LRP1B: variants seen among roughly 807,000 people sequenced by gnomAD.
LRP1B encodes the protein LDL receptor related protein 1B.
In LRP1B, 217 loss-of-function variants were observed where a neutral mutation model predicts 556.6. That is an observed-to-expected ratio of 0.39 (90% CI 0.35 to 0.44). LRP1B has a LOEUF of 0.44. Among genes scored for constraint, LRP1B ranks in the 20% least tolerant of loss-of-function variants. LRP1B has a pLI of 1.00. For missense variants in LRP1B, 5,053 were observed against 5,620.8 expected, an observed-to-expected ratio of 0.90 and a Z score of 3.23; for synonymous variants, 2,047 against 1,865.8, an observed-to-expected ratio of 1.10 and a Z score of -2.50.
At chr2:141,935,858 T>C (rs1367427403) in intron 1 of LRP1B, among the ~76,000 whole-genome samples, 1 of 152,164 alleles carries the variant, frequency 6.6e-6, no homozygotes, top group Non-Finnish European at 1.5e-5. Flanking sequence ...GAGGCTGAAG[T>C]GGGAGGATCA....
At chr2:141,872,372 C>A (rs917655146) in intron 1 of LRP1B, among the ~76,000 whole-genome samples, 4 of 151,634 alleles carry the variant, frequency 2.6e-5, no homozygotes, top group Admixed American at 2.0e-4. Flanking sequence ...AAGAGTAAAT[C>A]CAAAGTTCCC....
At chr2:140,273,809 A>T (rs1682563115) in intron 85 of LRP1B, among the ~76,000 whole-genome samples, 1 of 152,008 alleles carries the variant, frequency 6.6e-6, no homozygotes, top group African/African-American at 2.4e-5. Context: ...ACAACCCTTT[A>T]GCCGCAATGT....
At chr2:141,675,520 G>A (rs1690842211) in intron 2 of LRP1B, among the ~76,000 whole-genome samples, 1 of 23,384 alleles carries the variant, frequency 4.3e-5, no homozygotes, top group South Asian at 3.0e-3. Flanking sequence ...TAATGTCTCA[G>A]TGCCTTAGTA....
intron 1 of LRP1B, among the ~76,000 whole-genome samples, chr2:142,049,622 G>T (rs1704376719): frequency 6.6e-6 from 1 of 151,966 alleles, no homozygotes; most frequent in Non-Finnish European, 1.5e-5. Flanking sequence ...TAATTATAAT[G>T]CCTCACGATT....
intron 7 of LRP1B, among the ~76,000 whole-genome samples, chr2:141,099,490 GGATA>G (rs1700406850): frequency 6.6e-6 from 1 of 152,184 alleles, no homozygotes; most frequent in African/African-American, 2.4e-5. Flanking sequence ...AGGGCAATGA[GGATA>G]GATTTTACAA....
chr2:141,676,066 A>G lies in LRP1B; in HGVS notation c.205+134213T>C, dbSNP rs116063432. Among the ~76,000 whole-genome samples the G allele has an allele frequency of 4.8e-3, 734 of 152,224 alleles. 9 individuals are homozygous for G. Among genetic ancestry groups the G allele is most frequent in the African/African-American group, 0.017 (694 of 41,558 alleles). On this transcript the variant is annotated intron_variant, in intron 2 of 90. Coordinates refer to ENST00000389484, the MANE Select transcript of LRP1B (RefSeq NM_018557.3). Reference sequence around the variant, plus strand: ...TATGTACGTTAAAGATGATGTTTCCACCATATAAAACTTCCTTTTATTATA... The same window carrying G: ...TATGTACGTTAAAGATGATGTTTCCGCCATATAAAACTTCCTTTTATTATA...
At chr2:141,478,361 A>G (rs1682789676) in intron 3 of LRP1B, among the ~76,000 whole-genome samples, 1 of 152,320 alleles carries the variant, frequency 6.6e-6, no homozygotes, top group African/African-American at 2.4e-5. Context: ...TTAGTCATAC[A>G]TATCTATCTG....
At chr2:140,948,387 C>T (rs543633524) in intron 20 of LRP1B, among the ~76,000 whole-genome samples, 1 of 152,184 alleles carries the variant, frequency 6.6e-6, no homozygotes, top group African/African-American at 2.4e-5. Flanking sequence ...TTTACATATA[C>T]TTTTTCTTTT....
intron 31 of LRP1B, among the ~76,000 whole-genome samples, chr2:140,825,356 C>G (rs1691466310): frequency 6.6e-6 from 1 of 152,144 alleles, no homozygotes; most frequent in Admixed American, 6.5e-5. Flanking sequence ...AGATTCTAAA[C>G]TCCTTGAAGA....
rs367965411 is a variant in LRP1B at position 140,485,511 on chromosome 2, G to A, written c.9257C>T (p.Thr3086Ile). ...GACAGCAAGTGCATTGGGGACCGCT[G>A]TGTTATGAACTACCTACAAAACAAG... ...NGSDIKVVHNTAVPNALAVDW... is the reference protein window; with the variant it reads ...NGSDIKVVHNIAVPNALAVDW... Residue 3086 changes from threonine (T) to isoleucine (I), a missense_variant, in exon 59 of 91, where the codon ACA becomes ATA. Around this residue, in one of 5 missense-constraint regions of LRP1B, gnomAD observed 3,619 missense variants for 3,931.9 expected, o/e 0.92. Transcript: ENST00000389484. The A allele has an allele frequency of 3.5e-5, 57 of 1,613,182 alleles. No homozygotes were observed. Among genetic ancestry groups the A allele is most frequent in the Middle Eastern group, 1.6e-4 (1 of 6,078 alleles).
At chr2:140,247,043 T>C (rs372771398) in intron 87 of LRP1B, 43 bp downstream of exon 87, 4 of 1,333,664 alleles carry the variant, frequency 3.0e-6, no homozygotes, top group Admixed American at 3.4e-5. Context: ...CAATGATTTA[T>C]ATACAGTGTA....
intron 43 of LRP1B, among the ~76,000 whole-genome samples, chr2:140,582,641 C>G (rs931046543): frequency 1.3e-5 from 2 of 152,066 alleles, no homozygotes; most frequent in African/African-American, 2.4e-5. Context: ...TTCTGTCATG[C>G]GAGGATGCAA....
At chr2:140,946,418 G>A (rs1207603644) in intron 20 of LRP1B, among the ~76,000 whole-genome samples, 1 of 152,014 alleles carries the variant, frequency 6.6e-6, no homozygotes, top group Non-Finnish European at 1.5e-5. Context: ...TGGCCAACAT[G>A]GTGAAAACCC....
chr2:141,907,586 C>A (rs756341616), intron 1 of LRP1B, among the ~76,000 whole-genome samples: 34 of 151,852 alleles, frequency 2.2e-4, no homozygotes, highest in Admixed American at 1.2e-3. Context: ...TTGGCACGAC[C>A]TTTAATGTCA....
chr2:140,961,399 T>C (rs1416555949), intron 18 of LRP1B, among the ~76,000 whole-genome samples: 3 of 151,928 alleles, frequency 2.0e-5, no homozygotes, highest in Admixed American at 6.6e-5. Flanking sequence ...AGAAAGAATA[T>C]CACACAGACT....
chr2:141,686,422 A>G (rs912394929), intron 2 of LRP1B, among the ~76,000 whole-genome samples: 4 of 151,988 alleles, frequency 2.6e-5, no homozygotes, highest in Non-Finnish European at 4.4e-5. Context: ...TGTGTGCTAT[A>G]TATACATACC....
intron 1 of LRP1B, among the ~76,000 whole-genome samples, chr2:141,968,225 C>G (rs554624382): frequency 6.6e-6 from 1 of 151,666 alleles, no homozygotes; most frequent in Non-Finnish European, 1.5e-5. Flanking sequence ...AACATCCCGG[C>G]AAAAAGCCTT....
At chr2:140,868,974 A>C (rs1297387380) in intron 25 of LRP1B, among the ~76,000 whole-genome samples, 1 of 152,032 alleles carries the variant, frequency 6.6e-6, no homozygotes, top group Non-Finnish European at 1.5e-5. Flanking sequence ...AAGCCTGAAA[A>C]CCAGGCTACC....
intron 2 of LRP1B, among the ~76,000 whole-genome samples, chr2:141,509,128 GAGAA>G (rs746532318): frequency 3.9e-5 from 6 of 152,028 alleles, no homozygotes; most frequent in Non-Finnish European, 7.4e-5. Context: ...AATCATAACA[GAGAA>G]AGAAAGAAAG....
Sources: allele counts gnomAD v4.1 joint callset (sites outside exome capture counted in the v4.1 genomes callset), GRCh38; gene constraint gnomAD v4.1.1; regional missense constraint gnomAD v4.1.1; transcripts MANE v1.5; gene names NCBI Gene and HGNC (gene_info 2026-07-23, HGNC 2026-07-21).